Variants in PROS1 observed in about 807,000 individuals in gnomAD.
PROS1 encodes protein S, also known as vitamin K-dependent protein S.
PROS1 carries 29 observed loss-of-function variants against 75.9 expected under a neutral mutation model. The ratio of observed to expected loss-of-function variants is 0.38; its 90% confidence interval spans 0.28 to 0.52. The LOEUF (loss-of-function observed/expected upper bound fraction) is 0.52. PROS1 is among the 20% of genes least tolerant of loss of function. PROS1 has a pLI of 0.83. For synonymous variants in PROS1, 245 were observed against 280.6 expected (o/e 0.87, Z 1.27); for missense variants, 680 against 810.3 (o/e 0.84, Z 1.95).
At chr3:93,947,727 C>T (rs534556697) in intron 1 of PROS1, among the ~76,000 whole-genome samples, 20 of 152,056 alleles carry the variant, frequency 1.3e-4, no homozygotes, top group South Asian at 6.3e-4. Context: ...CCACCACACC[C>T]GGCTAATTTT....
chr3:93,950,798 G>A (rs1709483357), intron 1 of PROS1, among the ~76,000 whole-genome samples: 1 of 152,176 alleles, frequency 6.6e-6, no homozygotes, highest in East Asian at 1.9e-4. Flanking sequence ...AAGGAATGCA[G>A]CCCCTCACTG....
chr3:93,900,322 T>A (rs1294508854), intron 7 of PROS1, among the ~76,000 whole-genome samples: 1 of 152,240 alleles, frequency 6.6e-6, no homozygotes, highest in Non-Finnish European at 1.5e-5. Flanking sequence ...ATAATAGAAC[T>A]GTGTCATTTT....
chr3:93,943,617 T>G (rs985048416), intron 1 of PROS1, among the ~76,000 whole-genome samples: 6 of 152,006 alleles, frequency 3.9e-5, no homozygotes, highest in African/African-American at 1.2e-4. Context: ...CCCCCAAAAT[T>G]TTTGCTGCTC....
At chr3:93,923,894 G>A (rs1350727072) in intron 3 of PROS1, among the ~76,000 whole-genome samples, 21 of 148,322 alleles carry the variant, frequency 1.4e-4, no homozygotes, top group African/African-American at 4.8e-4. Context: ...ACAGCAAGGC[G>A]CTGCCTCACA....
At chr3:93,898,033 G>A (rs1185728642) in intron 8 of PROS1, among the ~76,000 whole-genome samples, 3 of 151,922 alleles carry the variant, frequency 2.0e-5, no homozygotes, top group East Asian at 1.9e-4. Flanking sequence ...ACCCTATAAC[G>A]CCTAAGGCAT....
At chr3:93,953,465 C>T (rs1171171984) in intron 1 of PROS1, among the ~76,000 whole-genome samples, 1 of 152,152 alleles carries the variant, frequency 6.6e-6, no homozygotes, top group Admixed American at 6.5e-5. Context: ...ATAAACAGAA[C>T]CAAAGACAAA....
chr3:93,879,525 C>T lies in PROS1; in HGVS notation c.1493-211G>A, dbSNP rs1286044053. Among the ~76,000 whole-genome samples the T allele has an allele frequency of 4.6e-5, 7 of 152,176 alleles. No individual in the cohort carries two copies. In the South Asian group the frequency reaches 8.3e-4, roughly 18 times the overall value. On this transcript the variant is annotated intron_variant, in intron 12 of 14. Transcript: ENST00000394236. Reference sequence around the variant, plus strand: ...ACATGCAAATGGAGTACCATCTTCCCGTTCTTCCTAGAAGAGAATTCTGGA... The same window carrying T: ...ACATGCAAATGGAGTACCATCTTCCTGTTCTTCCTAGAAGAGAATTCTGGA...
At chr3:93,945,910 CCCT>C (rs1709387109) in intron 1 of PROS1, among the ~76,000 whole-genome samples, 1 of 152,164 alleles carries the variant, frequency 6.6e-6, no homozygotes, top group Non-Finnish European at 1.5e-5. Context: ...TTAGAAAACT[CCCT>C]CGTCTCAGCC....
intron 1 of PROS1, among the ~76,000 whole-genome samples, chr3:93,957,203 TC>T (rs1709617234): frequency 6.6e-6 from 1 of 152,130 alleles, no homozygotes; most frequent in Non-Finnish European, 1.5e-5. Context: ...ACAAAAACAA[TC>T]ATCATAGTTT....
chr3:93,923,260 C>T (rs1260417048), intron 3 of PROS1, among the ~76,000 whole-genome samples: 1 of 152,044 alleles, frequency 6.6e-6, no homozygotes, highest in Admixed American at 6.6e-5. Flanking sequence ...AGGAACTTCC[C>T]CAGAACACAT....
At chr3:93,927,129 G>T in intron 2 of PROS1, 121 bp downstream of exon 2, 1 of 1,285,334 alleles carries the variant, frequency 7.8e-7, no homozygotes, top group African/African-American at 1.5e-5. Flanking sequence ...GGTTATGTGT[G>T]GAAGGTGATA....
intron 2 of PROS1, among the ~76,000 whole-genome samples, chr3:93,926,358 G>A (rs551930924): frequency 1.1e-4 from 16 of 152,260 alleles, no homozygotes; most frequent in African/African-American, 2.9e-4. Context: ...TGGGCCGGGC[G>A]CAGTGGCTCA....
chr3:93,875,435 G>T (rs1383937332), intron 14 of PROS1, among the ~76,000 whole-genome samples: 4 of 151,992 alleles, frequency 2.6e-5, no homozygotes, highest in African/African-American at 9.7e-5. Context: ...AGTCCTCAGT[G>T]CTGTTGCCAA....
At chr3:93,933,482 G>T (rs547015836) in intron 1 of PROS1, among the ~76,000 whole-genome samples, 1 of 151,850 alleles carries the variant, frequency 6.6e-6, no homozygotes, top group African/African-American at 2.4e-5. Flanking sequence ...GGCTGAGGCT[G>T]AAGGATCGCT....
intron 4 of PROS1, among the ~76,000 whole-genome samples, chr3:93,910,388 G>T (rs1253752145): frequency 6.6e-6 from 1 of 152,144 alleles, no homozygotes; most frequent in Admixed American, 6.5e-5. Flanking sequence ...TAGGAACAGA[G>T]AACACTGTTC....
At chr3:93,912,306 A>G (rs1708769595) in intron 3 of PROS1, among the ~76,000 whole-genome samples, 1 of 152,160 alleles carries the variant, frequency 6.6e-6, no homozygotes, top group South Asian at 2.1e-4. Context: ...TCCTGTTATA[A>G]GGACCCTTAT....
At chr3:93,946,224 TACTG>T (rs1709395185) in intron 1 of PROS1, among the ~76,000 whole-genome samples, 1 of 152,158 alleles carries the variant, frequency 6.6e-6, no homozygotes. Flanking sequence ...AAAATGGCCA[TACTG>T]CCCAAGGTAA....
chr3:93,879,941 T>C (rs1708251619), intron 12 of PROS1, among the ~76,000 whole-genome samples: 1 of 152,216 alleles, frequency 6.6e-6, no homozygotes, highest in Non-Finnish European at 1.5e-5. Context: ...TATATCTCTA[T>C]CATTGCTTTG....
At chr3:93,918,277 T>G (rs542662972) in intron 3 of PROS1, among the ~76,000 whole-genome samples, 77 of 152,194 alleles carry the variant, frequency 5.1e-4, no homozygotes, top group South Asian at 1.7e-3. Context: ...ATCAGCGCCC[T>G]GTCAAAACAG....
Sources: gnomAD v4.1 joint callset for allele counts (sites outside exome capture counted in the v4.1 genomes callset) on GRCh38, gnomAD v4.1.1 for gene constraint, MANE v1.5 for transcripts, NCBI Gene and HGNC (gene_info 2026-07-23, HGNC 2026-07-21) for gene names.